Variants in TRIM2 observed in about 807,000 individuals in gnomAD.
TRIM2 encodes tripartite motif-containing protein 2.
Under a neutral mutation model 75.2 loss-of-function variants are expected in TRIM2, and 20 were observed. That is an observed-to-expected ratio of 0.27 (90% CI 0.19 to 0.39). The LOEUF is 0.39. TRIM2 is among the 10% of genes least tolerant of loss of function. The pLI is 1.00. For synonymous variants in TRIM2, 373 were observed against 388.3 expected, an observed-to-expected ratio of 0.96 and a Z score of 0.46; for missense variants, 660 against 990.8, an observed-to-expected ratio of 0.67 and a Z score of 4.48.
chr4:153,244,259 C>CCTCTTCCTCT lies in TRIM2; in HGVS notation c.31-26076_31-26075insCTCTTCCTCT, dbSNP rs1560873094. Among the ~76,000 whole-genome samples, 13 of 12,968 alleles carry CCTCTTCCTCT rather than the reference C, an allele frequency of 1.0e-3. 2 individuals carry two copies. The highest frequency in any genetic ancestry group is 3.0e-3 in the African/African-American group (11 of 3,702). 8.5% of individuals were successfully genotyped at this position (12,968 alleles called of 152,430 possible). A position where few individuals can be genotyped will look rare whatever the true frequency, so the allele number is the denominator to read the frequency against. ...CTCTTCTCCTTCCTCTTCTTTCCTCCTCCTCCTCCTCCTCCTCCTCCTCCT... is the reference window on the plus strand; with the variant it reads ...CTCTTCTCCTTCCTCTTCTTTCCTCCCTCTTCCTCTTCCTCCTCCTCCTCCTCCTCCTCCT... On this transcript the variant is annotated intron_variant, in intron 1 of 11. Coordinates refer to ENST00000338700, the MANE Select transcript of TRIM2 (RefSeq NM_015271.5).
At chr4:153,258,273 T>G (rs992425907) in intron 1 of TRIM2, among the ~76,000 whole-genome samples, 4 of 152,134 alleles carry the variant, frequency 2.6e-5, no homozygotes, top group Non-Finnish European at 5.9e-5. Flanking sequence ...CTGAATGCCA[T>G]TGAGGGCCAG....
chr4:153,228,808 C>G (rs1560847324), intron 1 of TRIM2, among the ~76,000 whole-genome samples: 1 of 152,256 alleles, frequency 6.6e-6, no homozygotes, highest in Non-Finnish European at 1.5e-5. Context: ...CAGAGGCTAA[C>G]TGCAGTCTTT....
intron 1 of TRIM2, among the ~76,000 whole-genome samples, chr4:153,247,470 G>A (rs1248997164): frequency 6.6e-6 from 1 of 152,134 alleles, no homozygotes; most frequent in Non-Finnish European, 1.5e-5. Flanking sequence ...AAGGTCAGGA[G>A]TTTGAGATCA....
chr4:153,317,146 C>A lies in TRIM2; in HGVS notation c.1782+1147C>A, dbSNP rs575834338. 1.8e-3 allele frequency among the ~76,000 whole-genome samples: 277 copies of A among 150,384 alleles called. 5 individuals carry two copies. The highest frequency in any genetic ancestry group is 2.3e-3 in the Non-Finnish European group (155 of 67,664). On this transcript the variant is annotated intron_variant, in intron 8 of 11. Transcript: ENST00000338700. ...CCGCCCGCCTCGGCCTCCCAAAGTG[C>A]TGGGATTACAGGCGTGAGCCACCAC... is the stretch of plus-strand genomic sequence containing the variant.
At chr4:153,251,818 A>C (rs1484308379) in intron 1 of TRIM2, among the ~76,000 whole-genome samples, 1 of 152,038 alleles carries the variant, frequency 6.6e-6, no homozygotes, top group Admixed American at 6.6e-5. Flanking sequence ...GTCTCCATAA[A>C]AAAATACAAA....
At chr4:153,212,267 T>C (rs576484582) in intron 1 of TRIM2, among the ~76,000 whole-genome samples, 17 of 152,302 alleles carry the variant, frequency 1.1e-4, no homozygotes, top group Non-Finnish European at 1.9e-4. Context: ...GCCATTATCC[T>C]AAGTGAAATG....
intron 1 of TRIM2, among the ~76,000 whole-genome samples, chr4:153,180,362 G>A (rs1478009035): frequency 2.0e-5 from 3 of 152,198 alleles, no homozygotes; most frequent in Non-Finnish European, 2.9e-5. Context: ...GTTCTCGACA[G>A]CCTGGGGTCA....
At chr4:153,228,434 A>G (rs1356758258) in intron 1 of TRIM2, among the ~76,000 whole-genome samples, 1 of 152,256 alleles carries the variant, frequency 6.6e-6, no homozygotes, top group South Asian at 2.1e-4. Context: ...GCTAAAAGAT[A>G]ACACTTAATC....
intron 3 of TRIM2, among the ~76,000 whole-genome samples, chr4:153,283,679 C>T (rs1436007724): frequency 2.8e-5 from 4 of 143,822 alleles, no homozygotes; most frequent in Non-Finnish European, 6.0e-5. Context: ...GCTCTTTTGC[C>T]AGGCTGGAGT....
chr4:153,291,371 A>G (rs1344510810), intron 3 of TRIM2, among the ~76,000 whole-genome samples: 1 of 152,116 alleles, frequency 6.6e-6, no homozygotes, highest in Non-Finnish European at 1.5e-5. Context: ...TTCATTCAGT[A>G]GTGTTATTGA....
chr4:153,225,876 G>C (rs1741970958), intron 1 of TRIM2, among the ~76,000 whole-genome samples: 1 of 152,022 alleles, frequency 6.6e-6, no homozygotes, highest in African/African-American at 2.4e-5. Flanking sequence ...GTTGTTTGTG[G>C]TTTTACTTTT....
At chr4:153,312,934 A>T (rs1292659839) in intron 6 of TRIM2, among the ~76,000 whole-genome samples, 1 of 152,158 alleles carries the variant, frequency 6.6e-6, no homozygotes, top group Non-Finnish European at 1.5e-5. Flanking sequence ...CATGGGGGAA[A>T]GACCAAAAAT....
rs1752556975 is a variant in TRIM2, at chr4:153,258,236, A to G, written c.31-12099A>G. Among the ~76,000 whole-genome samples, 3 of 152,118 alleles carry G rather than the reference A, an allele frequency of 2.0e-5. No homozygotes were observed. The South Asian group carries it at 6.2e-4, about 32-fold the overall frequency. Reference sequence around the variant, plus strand: ...GTTACCATTGGAAACCCATTCATTCATAATGCATGACTCGACCCTCCGAAT... The same window carrying G: ...GTTACCATTGGAAACCCATTCATTCGTAATGCATGACTCGACCCTCCGAAT... On this transcript the variant is annotated intron_variant, in intron 1 of 11. Transcript: ENST00000338700.
intron 1 of TRIM2, among the ~76,000 whole-genome samples, chr4:153,219,118 T>C (rs1245896891): frequency 6.6e-6 from 1 of 152,228 alleles, no homozygotes; most frequent in Admixed American, 6.5e-5. Flanking sequence ...GGTAGTGTTT[T>C]ACATAAGGTG....
Position 153,270,367 on chromosome 4 carries a change from C to G in TRIM2, c.63C>G (p.Pro21=), listed in dbSNP as rs757923558. 3.1e-6 allele frequency: 5 copies of G among 1,613,450 alleles called. No individual in the cohort carries two copies. Among genetic ancestry groups the G allele is most frequent in the Admixed American group, 1.7e-5 (1 of 59,922 alleles). ...GTGCAGGGTCAAAGACAGCCGGCCCCCCATGTCAGTGGTCTAGGATGGCCA... is the reference window on the plus strand; with the variant it reads ...GTGCAGGGTCAAAGACAGCCGGCCCGCCATGTCAGTGGTCTAGGATGGCCA... ...QQRAGSKTAG[P]PCQWSRMASE... Residue 21 remains proline (P), a synonymous_variant, in exon 2 of 12, where the codon CCC becomes CCG. Coordinates refer to ENST00000338700, the MANE Select transcript of TRIM2 (RefSeq NM_015271.5).
At chr4:153,302,370 G>A (rs1248756327) in intron 6 of TRIM2, among the ~76,000 whole-genome samples, 1 of 152,162 alleles carries the variant, frequency 6.6e-6, no homozygotes, top group Admixed American at 6.5e-5. Flanking sequence ...TAGGTGATGG[G>A]AATATAGAGA....
intron 6 of TRIM2, among the ~76,000 whole-genome samples, chr4:153,309,159 A>T (rs1765686843): frequency 6.6e-6 from 1 of 152,224 alleles, no homozygotes; most frequent in African/African-American, 2.4e-5. Context: ...GGGTTTTCTA[A>T]AGGATTTTAA....
intron 1 of TRIM2, among the ~76,000 whole-genome samples, chr4:153,269,120 T>G (rs1756001007): frequency 6.6e-6 from 1 of 152,132 alleles, no homozygotes; most frequent in African/African-American, 2.4e-5. Flanking sequence ...TAAATTAAAG[T>G]GACAAAAGAC....
chr4:153,157,886 C>A (rs952724670), intron 1 of TRIM2, among the ~76,000 whole-genome samples: 1 of 152,334 alleles, frequency 6.6e-6, no homozygotes, highest in African/African-American at 2.4e-5. Context: ...GTATTCCTGT[C>A]CTCTTTTCCA....
Sources: allele counts gnomAD v4.1 joint callset (sites outside exome capture counted in the v4.1 genomes callset), GRCh38; gene constraint gnomAD v4.1.1; transcripts MANE v1.5; gene names NCBI Gene and HGNC (gene_info 2026-07-23, HGNC 2026-07-21).